Variants in SLC8A1 observed in about 807,000 individuals in gnomAD.
SLC8A1 encodes the protein solute carrier family 8 member A1, also known as sodium/calcium exchanger 1.
A neutral mutation model predicts 68.3 loss-of-function variants in SLC8A1; 18 were observed. That is an observed-to-expected ratio of 0.26 (90% CI 0.18 to 0.39). The LOEUF (loss-of-function observed/expected upper bound fraction) is 0.39. Ranked by LOEUF, SLC8A1 falls within the 10% of genes least tolerant of loss-of-function variation. The pLI is 1.00. For synonymous variants in SLC8A1, 475 were observed against 415.5 expected (o/e 1.14, Z -1.74); for missense variants, 985 against 1,156.7 (o/e 0.85, Z 2.15).
intron 2 of SLC8A1, among the ~76,000 whole-genome samples, chr2:40,215,923 C>G (rs372357025): frequency 2.0e-5 from 3 of 151,662 alleles, no homozygotes; most frequent in East Asian, 1.9e-4. Context: ...TACCAAACTC[C>G]TCTGCACTGG....
intron 1 of SLC8A1, among the ~76,000 whole-genome samples, chr2:40,497,665 A>C (rs1253701172): frequency 6.6e-6 from 1 of 152,078 alleles, no homozygotes; most frequent in Admixed American, 6.6e-5. Context: ...GTGAATCATA[A>C]GTAGTTTGGA....
chr2:40,166,235 C>T (rs934454216), intron 4 of SLC8A1, among the ~76,000 whole-genome samples: 1 of 152,172 alleles, frequency 6.6e-6, no homozygotes, highest in Admixed American at 6.5e-5. Context: ...GCTTTGGCAG[C>T]TGTTGCAGGG....
chr2:40,127,307 A>AC (rs1374500670), intron 7 of SLC8A1, among the ~76,000 whole-genome samples: 1 of 152,094 alleles, frequency 6.6e-6, no homozygotes, highest in African/African-American at 2.4e-5. Context: ...TATGTGGTTT[A>AC]CCCCATTTCT....
At chr2:40,435,883 C>CTTCT (rs1699303543) in intron 1 of SLC8A1, among the ~76,000 whole-genome samples, 1 of 151,896 alleles carries the variant, frequency 6.6e-6, no homozygotes, top group African/African-American at 2.4e-5. Context: ...TCAAGCAATT[C>CTTCT]TTCTGCCTCA....
At chr2:40,259,305 T>C (rs1365366450) in intron 2 of SLC8A1, among the ~76,000 whole-genome samples, 1 of 152,136 alleles carries the variant, frequency 6.6e-6, no homozygotes, top group African/African-American at 2.4e-5. Context: ...AACATTTGAG[T>C]CTTCACTGTT....
intron 2 of SLC8A1, among the ~76,000 whole-genome samples, chr2:40,289,996 A>G (rs997984824): frequency 6.6e-6 from 1 of 152,140 alleles, no homozygotes; most frequent in African/African-American, 2.4e-5. Context: ...TGCTAGGAGA[A>G]GTCTTGAGCA....
At chr2:40,170,066 T>C (rs1160783054) in intron 4 of SLC8A1, among the ~76,000 whole-genome samples, 1 of 152,240 alleles carries the variant, frequency 6.6e-6, no homozygotes, top group Admixed American at 6.5e-5. Flanking sequence ...CAGTCTTCTC[T>C]GCAGGCTGGG....
intron 2 of SLC8A1, among the ~76,000 whole-genome samples, chr2:40,232,987 C>T (rs916412139): frequency 1.3e-5 from 2 of 151,682 alleles, no homozygotes; most frequent in Admixed American, 6.6e-5. Context: ...TTTTCTTAAT[C>T]CAGTCTATCA....
exon 7 of SLC8A1, chr2:40,139,599 C>T (rs1326283252): frequency 6.2e-7 from 1 of 1,614,036 alleles, no homozygotes; most frequent in African/African-American, 1.3e-5. Flanking sequence ...TTCCAGAACA[C>T]AGTCAGAAAG....
At chr2:40,336,708 G>C (rs561030743) in intron 2 of SLC8A1, among the ~76,000 whole-genome samples, 3 of 152,198 alleles carry the variant, frequency 2.0e-5, no homozygotes, top group South Asian at 4.2e-4. Flanking sequence ...GAACCTCTGT[G>C]TACTGCCAGC....
intron 2 of SLC8A1, among the ~76,000 whole-genome samples, chr2:40,383,114 ACG>A (rs1162747119): frequency 6.6e-6 from 1 of 152,090 alleles, no homozygotes; most frequent in African/African-American, 2.4e-5. Flanking sequence ...TTTTAATGAT[ACG>A]TTCTGTTTTG....
intron 2 of SLC8A1, among the ~76,000 whole-genome samples, chr2:40,335,101 C>T (rs1158576193): frequency 2.0e-5 from 3 of 152,262 alleles, no homozygotes; most frequent in African/African-American, 4.8e-5. Flanking sequence ...AAATGAATTT[C>T]CTGCTAAGAT....
intron 2 of SLC8A1, among the ~76,000 whole-genome samples, chr2:40,272,904 G>C (rs2066225423): frequency 6.6e-6 from 1 of 152,124 alleles, no homozygotes; most frequent in Non-Finnish European, 1.5e-5. Context: ...TGCAAAGTTA[G>C]TTTGGGCTAT....
At chr2:40,418,494 T>C (rs959099619) in intron 2 of SLC8A1, among the ~76,000 whole-genome samples, 20 of 152,166 alleles carry the variant, frequency 1.3e-4, no homozygotes, top group African/African-American at 4.8e-4. Context: ...TCTGAGGTAC[T>C]AGGCCACCTG....
At chr2:40,230,658 A>G (rs577738564) in intron 2 of SLC8A1, among the ~76,000 whole-genome samples, 106 of 152,340 alleles carry the variant, frequency 7.0e-4, no homozygotes, top group African/African-American at 2.5e-3. Context: ...ATCATTTAGA[A>G]TTAATGAACA....
exon 2 of SLC8A1, chr2:40,429,905 T>C: frequency 6.2e-7 from 1 of 1,613,606 alleles, no homozygotes; most frequent in Non-Finnish European, 8.5e-7. Flanking sequence ...ATCCTCACAG[T>C]TGTCTTGGTG....
intron 2 of SLC8A1, among the ~76,000 whole-genome samples, chr2:40,391,893 C>T (rs912952094): frequency 2.6e-5 from 4 of 152,054 alleles, no homozygotes; most frequent in African/African-American, 7.2e-5. Flanking sequence ...CTACCAATAT[C>T]GCCCCACTGA....
At chr2:40,199,182 TG>T (rs2053660460) in intron 2 of SLC8A1, among the ~76,000 whole-genome samples, 1 of 151,858 alleles carries the variant, frequency 6.6e-6, no homozygotes, top group Admixed American at 6.6e-5. Flanking sequence ...GAGTATGTGA[TG>T]GGGCCTACTT....
chr2:40,438,105 G>A (rs1045322466), intron 1 of SLC8A1, among the ~76,000 whole-genome samples: 3 of 152,118 alleles, frequency 2.0e-5, no homozygotes, highest in Non-Finnish European at 2.9e-5. Context: ...CTGTGGTCCT[G>A]CAAGCTAGAG....
Sources: allele counts gnomAD v4.1 joint callset (sites outside exome capture counted in the v4.1 genomes callset), GRCh38; gene constraint gnomAD v4.1.1; transcripts MANE v1.5; gene names NCBI Gene and HGNC (gene_info 2026-07-23, HGNC 2026-07-21).